The following LAMA1 variants were observed in gnomAD, a reference collection of about 807,000 sequenced individuals.
LAMA1 encodes the protein laminin subunit alpha 1.
LAMA1 carries 219 observed loss-of-function variants against 348.7 expected under a neutral mutation model. The observed-to-expected ratio is 0.63, with a 90% CI of 0.56 to 0.70. The LOEUF is 0.70. Ranked by LOEUF, LAMA1 falls within the 30% of genes least tolerant of loss-of-function variation. The pLI is 0.00. For synonymous variants in LAMA1, 1,487 were observed against 1,491.0 expected (o/e 1.00, Z 0.06); for missense variants, 3,744 against 3,888.0 (o/e 0.96, Z 0.99).
chr18:6,999,677 C>A, intron 31 of LAMA1, 39 bp from the exon 32 acceptor site: 3 of 1,523,192 alleles, frequency 2.0e-6, no homozygotes, highest in South Asian at 2.3e-5. Flanking sequence ...ACAGGATGGT[C>A]AATACCAGCT....
chr18:6,953,488 A>T (rs4798520), intron 57 of LAMA1, among the ~76,000 whole-genome samples: 56,580 of 152,142 alleles, frequency 0.37, 11,740 homozygotes, highest in East Asian at 0.65. Context: ...TTTAGGTACT[A>T]GCCGAGGTTT....
Position 6,999,653 on chromosome 18 carries a change from G to A in LAMA1, c.4470-15C>T. 1.3e-6 allele frequency: 2 copies of A among 1,596,938 alleles called. No homozygotes were observed. The highest frequency in any genetic ancestry group is 1.7e-6 in the Non-Finnish European group (2 of 1,169,782). On this transcript the variant is annotated splice_polypyrimidine_tract_variant and intron_variant, in intron 31 of 62. Transcript: ENST00000389658. Reference sequence around the variant, plus strand: ...TTGAGGAGCACCTACAGAAAGGAAGGGACATAGGTGCAGACAGGATGGTCA... The same window carrying A: ...TTGAGGAGCACCTACAGAAAGGAAGAGACATAGGTGCAGACAGGATGGTCA...
chr18:7,088,272 T>G (rs1212672457), intron 1 of LAMA1, among the ~76,000 whole-genome samples: 1 of 152,152 alleles, frequency 6.6e-6, no homozygotes, highest in East Asian at 1.9e-4. Flanking sequence ...TCATTTGATC[T>G]TATTGTTCTT....
intron 1 of LAMA1, among the ~76,000 whole-genome samples, chr18:7,110,361 G>T (rs1317007233): frequency 6.6e-6 from 1 of 152,140 alleles, no homozygotes; most frequent in African/African-American, 2.4e-5. Context: ...AAGAAAAACA[G>T]AAAAGGAAAT....
chr18:6,947,344 C>G, intron 60 of LAMA1, 48 bp from the exon 61 acceptor site: 2 of 1,611,764 alleles, frequency 1.2e-6, no homozygotes, highest in Non-Finnish European at 1.7e-6. Flanking sequence ...CTGCCAGGCC[C>G]AGGTTGAGCA....
chr18:6,957,102 T>C (rs537628139), intron 55 of LAMA1: 24 of 361,210 alleles, frequency 6.6e-5, no homozygotes, highest in Non-Finnish European at 1.1e-4. Context: ...TTGTCTCTAG[T>C]TCCCAAGCGC....
Position 6,961,718 on chromosome 18 carries a change from T to A in LAMA1, c.7494A>T (p.Glu2498Asp). ...SVSFLKGGYI[E>D]LPPKSLSPES... ...CTGGTGACAAAGATTTGGGTGGCAA[T>A]TCAATGTAGCCGCCTTTCAGGAAGC... Residue 2498 changes from glutamate to aspartate, a missense_variant, in exon 53 of 63, where the codon GAA (glutamate) becomes GAT (aspartate). Glu to Asp is a conservative substitution (Grantham distance 45). Coordinates refer to ENST00000389658, the MANE Select transcript of LAMA1 (RefSeq NM_005559.4). 6.2e-7 allele frequency: 1 copy of A among 1,614,130 alleles called. No homozygotes were observed. The highest frequency in any genetic ancestry group is 8.5e-7 in the Non-Finnish European group (1 of 1,180,026).
At chr18:7,115,417 C>G (rs989948735) in intron 1 of LAMA1, among the ~76,000 whole-genome samples, 2 of 152,110 alleles carry the variant, frequency 1.3e-5, no homozygotes, top group African/African-American at 4.8e-5. Context: ...TTAGGAGGAG[C>G]TCACTTGAAA....
In LAMA1 at chr18:6,947,236, G is replaced by C. The variant is rs771807858; in HGVS notation, c.8771C>G (p.Ser2924Trp). The change falls in exon 61 of 63, where the codon TCG (serine) becomes TGG (tryptophan). Residue 2924 changes from serine (S) to tryptophan (W), a missense_variant. Ser to Trp is a radical substitution (Grantham distance 177, BLOSUM62 -3). Coordinates refer to ENST00000389658, the MANE Select transcript of LAMA1 (RefSeq NM_005559.4). The stretch of plus-strand genomic sequence containing the variant: ...GATCCCCAGGAGGACGCCATTCTGC[G>C]AGGAGGTTCGAAACTCCAGTGTGAT... ...VNITLEFRTSSQNGVLLGIST... is the reference protein window; with the variant it reads ...VNITLEFRTSWQNGVLLGIST... 4 of 1,614,042 alleles carry C rather than the reference G, an allele frequency of 2.5e-6. No individual in the cohort carries two copies. Among genetic ancestry groups the C allele is most frequent in the African/African-American group, 1.3e-5 (1 of 74,930 alleles).
intron 35 of LAMA1, among the ~76,000 whole-genome samples, chr18:6,993,405 A>C (rs1439117859): frequency 6.6e-6 from 1 of 152,166 alleles, no homozygotes; most frequent in East Asian, 1.9e-4. Flanking sequence ...GAGAATTAGG[A>C]TCTAAGTTTT....
chr18:6,943,685 C>T (rs769831196), intron 61 of LAMA1, among the ~76,000 whole-genome samples: 1 of 151,746 alleles, frequency 6.6e-6, no homozygotes, highest in African/African-American at 2.4e-5. Flanking sequence ...CCTGTCTCTA[C>T]TAAAAACACA....
rs747612750 is a variant in LAMA1, at chr18:6,948,454, C to T, written c.8659G>A (p.Ala2887Thr). ...VSAFTVNRCYAVAQEGTYFDG... is the reference protein window; with the variant it reads ...VSAFTVNRCYTVAQEGTYFDG... ...AAGTATGTTCCTTCCTGGGCCACTG[C>T]GTAGCACCTGTTCACCGTGAAGGCA... Residue 2887 changes from alanine to threonine, a missense_variant, in exon 60 of 63, where the codon GCA becomes ACA. Transcript: ENST00000389658. 41 of 1,614,052 alleles carry T rather than the reference C, an allele frequency of 2.5e-5. No individual in the cohort carries two copies. The East Asian group carries it at 2.9e-4, about 11-fold the overall frequency.
chr18:6,985,786 G>A, intron 37 of LAMA1, 143 bp from the exon 38 acceptor site: 2 of 666,470 alleles, frequency 3.0e-6, no homozygotes, highest in South Asian at 3.6e-5. Flanking sequence ...TTGAGATGGA[G>A]TCTCATTCTG....
chr18:7,005,298 C>T (rs562811852), intron 29 of LAMA1, among the ~76,000 whole-genome samples: 27 of 152,198 alleles, frequency 1.8e-4, no homozygotes, highest in Non-Finnish European at 3.8e-4. Context: ...AATAAAACTG[C>T]ACCAACAGAT....
In LAMA1 at chr18:6,949,188, C is replaced by G. The variant is rs2057535420; in HGVS notation, c.8469G>C (p.Val2823=). The G allele has an allele frequency of 6.2e-7, 1 of 1,614,112 alleles. No homozygotes were observed. The highest frequency in any genetic ancestry group is 8.5e-7 in the Non-Finnish European group (1 of 1,179,954). ...VDGRESPMVT[V]VGDGTMLDVE... The stretch of plus-strand genomic sequence containing the variant: ...CATCCAGCATGGTTCCATCTCCCAC[C>G]ACAGTCACCATGGGAGACTCTCGGC... The change falls in exon 59 of 63, where the codon GTG becomes GTC. Residue 2823 remains valine, a synonymous_variant. Coordinates refer to ENST00000389658, the MANE Select transcript of LAMA1 (RefSeq NM_005559.4).
At chr18:6,964,543 TG>T (rs756634113) in intron 51 of LAMA1, 118 bp downstream of exon 51, 3 of 1,253,994 alleles carry the variant, frequency 2.4e-6, no homozygotes, top group Non-Finnish European at 3.5e-6. Flanking sequence ...CCTCTAGAAC[TG>T]GGAAAGAATA....
At chr18:7,100,540 T>C (rs1200868057) in intron 1 of LAMA1, among the ~76,000 whole-genome samples, 1 of 152,224 alleles carries the variant, frequency 6.6e-6, no homozygotes, top group African/African-American at 2.4e-5. Flanking sequence ...AGCATTCTTC[T>C]TGATAGCTCC....
At chr18:7,036,425 T>C (rs1468581325) in intron 12 of LAMA1, among the ~76,000 whole-genome samples, 1 of 152,254 alleles carries the variant, frequency 6.6e-6, no homozygotes, top group Non-Finnish European at 1.5e-5. Context: ...ATGAGGAGTT[T>C]GACCCATGTC....
chr18:6,959,670 A>G (rs1453542162), intron 53 of LAMA1, 178 bp from the exon 54 acceptor site: 5 of 672,030 alleles, frequency 7.4e-6, no homozygotes, highest in Admixed American at 4.4e-5. Flanking sequence ...ATCTCTGTTC[A>G]TATAATTTAT....
Sources: gnomAD v4.1 joint callset for allele counts (sites outside exome capture counted in the v4.1 genomes callset) on GRCh38, gnomAD v4.1.1 for gene constraint, MANE v1.5 for transcripts, NCBI Gene and HGNC (gene_info 2026-07-23, HGNC 2026-07-21) for gene names.